ULK4: variants seen among roughly 807,000 people sequenced by gnomAD.
ULK4 encodes inactive serine/threonine-protein kinase ULK4.
In ULK4, 133 loss-of-function variants were observed where a neutral mutation model predicts 160.6. That is an observed-to-expected ratio of 0.83 (90% confidence interval 0.72 to 0.96). The LOEUF is 0.96. Among genes scored for constraint, ULK4 ranks in the 40% least tolerant of loss-of-function variants. The probability of loss-of-function intolerance (pLI) is 0.00; values close to 1 mark genes in which losing one functional copy is unlikely to be tolerated. For missense variants in ULK4, 1,580 were observed against 1,499.5 expected (o/e 1.05, Z -0.89); for synonymous variants, 534 against 539.8 (o/e 0.99, Z 0.15).
chr3:41,723,668 G>A (rs1034937537), intron 22 of ULK4, among the ~76,000 whole-genome samples: 10 of 152,160 alleles, frequency 6.6e-5, no homozygotes, highest in African/African-American at 2.4e-4. Flanking sequence ...CTGCCACTAG[G>A]CTTGCACTCA....
At chr3:41,559,662 C>T (rs1374764116) in intron 32 of ULK4, among the ~76,000 whole-genome samples, 3 of 152,136 alleles carry the variant, frequency 2.0e-5, no homozygotes, top group Admixed American at 6.5e-5. Context: ...GTTTTGGCTG[C>T]ATAAATGTCT....
At chr3:41,365,569 C>T (rs1014692455) in intron 35 of ULK4, among the ~76,000 whole-genome samples, 1 of 152,166 alleles carries the variant, frequency 6.6e-6, no homozygotes, top group Non-Finnish European at 1.5e-5. Context: ...TACACTATAT[C>T]TCATTTAATC....
chr3:41,815,915 T>C (rs1454990745), intron 19 of ULK4, among the ~76,000 whole-genome samples: 1 of 152,082 alleles, frequency 6.6e-6, no homozygotes, highest in Non-Finnish European at 1.5e-5. Context: ...GAGAGAAGCA[T>C]TTCATAAGAT....
chr3:41,931,903 T>G lies in ULK4; in HGVS notation c.482A>C (p.Glu161Ala). 6.2e-7 allele frequency: 1 copy of G among 1,614,068 alleles called. No homozygotes were observed. ...EEFFALVAAE[E>A]GGGDNGENVL... ...ATTTTCCCCATTATCACCTCCTCCT[T>G]CCTCTGCTGCCACCAAAGCAAAGAA... The change falls in exon 5 of 37, where the codon GAA (glutamate) becomes GCA (alanine). Residue 161 changes from glutamate to alanine, a missense_variant. Coordinates refer to ENST00000301831, the MANE Select transcript of ULK4 (RefSeq NM_017886.4).
chr3:41,382,322 T>C (rs904910899), intron 35 of ULK4, among the ~76,000 whole-genome samples: 6 of 152,214 alleles, frequency 3.9e-5, no homozygotes, highest in East Asian at 1.9e-4. Context: ...TATTTACTTG[T>C]TGAGTGAATG....
intron 32 of ULK4, among the ~76,000 whole-genome samples, chr3:41,476,982 C>T (rs1028869926): frequency 6.6e-6 from 1 of 152,164 alleles, no homozygotes; most frequent in African/African-American, 2.4e-5. Context: ...CTTTGCATGC[C>T]TGTTATCTCT....
intron 32 of ULK4, among the ~76,000 whole-genome samples, chr3:41,488,511 A>G (rs147184447): frequency 1.3e-3 from 191 of 152,348 alleles, no homozygotes; most frequent in African/African-American, 4.2e-3. Context: ...TTGAATTTTT[A>G]TCATGAATAT....
chr3:41,294,702 T>C (rs9883999), intron 35 of ULK4, among the ~76,000 whole-genome samples: 24,787 of 152,104 alleles, frequency 0.16, 2,493 homozygotes, highest in African/African-American at 0.28. Context: ...CTTTTCGACA[T>C]TGTCCTAAAA....
At chr3:41,666,427 A>G (rs369315454) in intron 29 of ULK4, among the ~76,000 whole-genome samples, 2 of 152,352 alleles carry the variant, frequency 1.3e-5, no homozygotes, top group African/African-American at 4.8e-5. Context: ...CACCCTACAC[A>G]TGATGAGTTA....
In ULK4 at chr3:41,938,213, G is replaced by A. The variant is rs758507150; in HGVS notation, c.139-16C>T. 3 of 1,594,230 alleles carry A rather than the reference G, an allele frequency of 1.9e-6. No individual in the cohort carries two copies. Among genetic ancestry groups the A allele is most frequent in the South Asian group, 2.2e-5 (2 of 89,302 alleles). ...TGAGACGGACCTATAAAAACACAGA[G>A]CAATCACTCTAAAAAGAAATTCCTA... On this transcript the variant is annotated splice_polypyrimidine_tract_variant and intron_variant, in intron 2 of 36. Transcript: ENST00000301831.
intron 17 of ULK4, among the ~76,000 whole-genome samples, chr3:41,837,835 A>C (rs1424576281): frequency 6.6e-6 from 1 of 152,206 alleles, no homozygotes; most frequent in East Asian, 1.9e-4. Context: ...TGCTGGGATT[A>C]CAGGTACGAG....
intron 32 of ULK4, among the ~76,000 whole-genome samples, chr3:41,504,126 A>G (rs1276560994): frequency 1.3e-5 from 2 of 152,186 alleles, no homozygotes; most frequent in South Asian, 2.1e-4. Context: ...GTCCCTACAC[A>G]TTGGCATGAC....
At chr3:41,689,430 A>G (rs2036208626) in intron 27 of ULK4, among the ~76,000 whole-genome samples, 1 of 152,202 alleles carries the variant, frequency 6.6e-6, no homozygotes, top group Non-Finnish European at 1.5e-5. Flanking sequence ...ATCTGTTTTT[A>G]ATCATCTTCA....
intron 19 of ULK4, among the ~76,000 whole-genome samples, chr3:41,801,087 T>C (rs1278600578): frequency 2.0e-5 from 3 of 151,970 alleles, no homozygotes; most frequent in African/African-American, 7.3e-5. Context: ...CTATAATAAA[T>C]GTAGTCCACA....
intron 22 of ULK4, among the ~76,000 whole-genome samples, chr3:41,740,171 C>T (rs1248854523): frequency 6.6e-6 from 1 of 151,858 alleles, no homozygotes; most frequent in East Asian, 1.9e-4. Flanking sequence ...CTGGAACTGG[C>T]TTTTGTACGG....
At chr3:41,370,789 G>A (rs2081349011) in intron 35 of ULK4, among the ~76,000 whole-genome samples, 1 of 152,180 alleles carries the variant, frequency 6.6e-6, no homozygotes, top group Admixed American at 6.5e-5. Flanking sequence ...ACGTCAGCAT[G>A]AAAGAACTGT....
rs145163662 is a variant in ULK4, at chr3:41,851,997, G to A, written c.1657-16026C>T. On this transcript the variant is annotated intron_variant, in intron 17 of 36. Transcript: ENST00000301831. Reference sequence around the variant, plus strand: ...GAAAGATCAACAAAATTGATAGACCGCTAGCAAGACTAATAGAGAAGAATC... The same window carrying A: ...GAAAGATCAACAAAATTGATAGACCACTAGCAAGACTAATAGAGAAGAATC... Among the ~76,000 whole-genome samples, 544 of 152,058 alleles carry A rather than the reference G, an allele frequency of 3.6e-3. 6 individuals carry two copies. The highest frequency in any genetic ancestry group is 0.012 in the African/African-American group (491 of 41,498).
At chr3:41,603,930 A>C (rs1487549968) in intron 31 of ULK4, among the ~76,000 whole-genome samples, 1 of 152,126 alleles carries the variant, frequency 6.6e-6, no homozygotes, top group Non-Finnish European at 1.5e-5. Context: ...CTATACCATA[A>C]CTATTCAATA....
At position 41,770,642 on chromosome 3, in the gene ULK4, C is replaced by A. The variant is rs1317375592; in HGVS notation, c.2194-16154G>T. ...CCTCCTGCCTCACCCTCCCAAGTAGCTGGGACCACAAGCACGCACTACCAC... is the reference window on the plus strand; with the variant it reads ...CCTCCTGCCTCACCCTCCCAAGTAGATGGGACCACAAGCACGCACTACCAC... On this transcript the variant is annotated intron_variant, in intron 21 of 36. Coordinates refer to ENST00000301831, the MANE Select transcript of ULK4 (RefSeq NM_017886.4). Among the ~76,000 whole-genome samples the A allele has an allele frequency of 3.3e-5, 5 of 151,884 alleles. No individual in the cohort carries two copies. In the East Asian group the frequency reaches 9.7e-4, roughly 29 times the overall value.
Sources: gnomAD v4.1 joint callset for allele counts (sites outside exome capture counted in the v4.1 genomes callset) on GRCh38, gnomAD v4.1.1 for gene constraint, MANE v1.5 for transcripts, NCBI Gene and HGNC (gene_info 2026-07-23, HGNC 2026-07-21) for gene names.